ARHGEF3: variants seen among roughly 807,000 people sequenced by gnomAD.
ARHGEF3 encodes the protein Rho guanine nucleotide exchange factor 3.
A neutral mutation model predicts 63.2 loss-of-function variants in ARHGEF3; 28 were observed. That is an observed-to-expected ratio of 0.44 (90% CI 0.33 to 0.61). The LOEUF is 0.61. Among genes scored for constraint, ARHGEF3 ranks in the 20% least tolerant of loss-of-function variants. The pLI is 0.03. For synonymous variants in ARHGEF3, 266 were observed against 254.2 expected (o/e 1.05, Z -0.44); for missense variants, 533 against 659.3 (o/e 0.81, Z 2.10).
chr3:57,077,209 C>G (rs929008789), intron 1 of ARHGEF3, among the ~76,000 whole-genome samples: 1 of 152,238 alleles, frequency 6.6e-6, no homozygotes, highest in Non-Finnish European at 1.5e-5. Context: ...GCCTGCCTCT[C>G]TTTCCCCTAA....
Position 56,729,256 on chromosome 3 carries a change from T to C in ARHGEF3, c.*14A>G, listed in dbSNP as rs766778056. 1 of 1,599,762 alleles carries C rather than the reference T, an allele frequency of 6.3e-7. No individual in the cohort carries two copies. Among genetic ancestry groups the C allele is most frequent in the Admixed American group, 1.7e-5 (1 of 59,264 alleles). On this transcript the variant is annotated 3_prime_UTR_variant, in exon 10 of 10. Transcript: ENST00000296315. ...TAAGATGCAGGCCTGCTTCCCGAAG[T>C]GCACATGCTTCTGTCAGACGTTACT...
At chr3:56,944,177 CA>C (rs888585334) in intron 3 of ARHGEF3, among the ~76,000 whole-genome samples, 3 of 151,952 alleles carry the variant, frequency 2.0e-5, no homozygotes, top group African/African-American at 7.2e-5. Context: ...AGTCTCAAAA[CA>C]AAAAACAAAA....
intron 3 of ARHGEF3, among the ~76,000 whole-genome samples, chr3:56,889,419 A>G (rs923796647): frequency 1.3e-5 from 2 of 152,266 alleles, no homozygotes; most frequent in Admixed American, 6.5e-5. Context: ...GTGCCTTCCA[A>G]TACAAAAGTG....
At chr3:56,921,016 C>T (rs1450345664) in intron 3 of ARHGEF3, among the ~76,000 whole-genome samples, 1 of 118,508 alleles carries the variant, frequency 8.4e-6, no homozygotes, top group African/African-American at 3.6e-5. Context: ...GATTGCACCA[C>T]TGCACTCCAG....
chr3:57,017,005 G>GTC (rs370663400), intron 2 of ARHGEF3, among the ~76,000 whole-genome samples: 8,118 of 128,832 alleles, frequency 0.063, 460 homozygotes, highest in African/African-American at 0.15. Context: ...CTTTCTCTCT[G>GTC]TCTCTCTCTC....
upstream of ARHGEF3, among the ~76,000 whole-genome samples, chr3:56,804,179 C>G (rs1035762801): frequency 6.6e-5 from 10 of 152,210 alleles, no homozygotes; most frequent in Non-Finnish European, 1.3e-4. Flanking sequence ...GCCACCATGC[C>G]CAGCCCTAAA....
At chr3:57,073,362 C>T in intron 1 of ARHGEF3, 1 of 252,882 alleles carries the variant, frequency 4.0e-6, no homozygotes, top group Non-Finnish European at 7.5e-6. Flanking sequence ...ATTTATGTTT[C>T]TAGCCAAAAG....
intron 4 of ARHGEF3, among the ~76,000 whole-genome samples, chr3:56,826,058 A>T (rs2038702428): frequency 6.6e-6 from 1 of 152,174 alleles, no homozygotes; most frequent in African/African-American, 2.4e-5. Context: ...AAGTACCCTT[A>T]AGTTAGAAGG....
In ARHGEF3 at chr3:57,024,298, T is replaced by TAAA. The variant is rs57220752; in HGVS notation, c.62+10787_62+10789dup. On this transcript the variant is annotated intron_variant, in intron 2 of 12. Transcript: ENST00000338458. ...ATCTATCAAAAAGAAGGAAAGATATTAAAAAAAAAAAAAAAGTAGGGGGCT... is the reference window on the plus strand; with the variant it reads ...ATCTATCAAAAAGAAGGAAAGATATTAAAAAAAAAAAAAAAAAAGTAGGGGGCT... Among the ~76,000 whole-genome samples, 520 of 141,674 alleles carry TAAA rather than the reference T, an allele frequency of 3.7e-3. 3 individuals carry two copies. The highest frequency in any genetic ancestry group is 0.012 in the African/African-American group (446 of 38,160). The allele number at this position is 141,674 out of a possible 152,430, so 92.9% of individuals were successfully genotyped here.
At chr3:56,760,770 A>G (rs1470251384) in intron 2 of ARHGEF3, among the ~76,000 whole-genome samples, 1 of 152,164 alleles carries the variant, frequency 6.6e-6, no homozygotes, top group East Asian at 1.9e-4. Flanking sequence ...ATGAGATGGG[A>G]TCCAGCTCCT....
At chr3:56,875,275 G>A (rs531116114) in intron 4 of ARHGEF3, among the ~76,000 whole-genome samples, 1 of 152,236 alleles carries the variant, frequency 6.6e-6, no homozygotes, top group East Asian at 1.9e-4. Flanking sequence ...GCTGCATAAG[G>A]AAGGACTCTA....
intron 3 of ARHGEF3, among the ~76,000 whole-genome samples, chr3:56,922,338 A>T (rs966012923): frequency 6.6e-6 from 1 of 151,982 alleles, no homozygotes; most frequent in Non-Finnish European, 1.5e-5. Context: ...TGGGTTACTG[A>T]CCTCTGCACA....
chr3:57,050,628 C>T (rs1704632402), intron 1 of ARHGEF3, among the ~76,000 whole-genome samples: 1 of 152,100 alleles, frequency 6.6e-6, no homozygotes, highest in Admixed American at 6.5e-5. Flanking sequence ...GGCAGACAGG[C>T]TGGGGCCAGA....
intron 4 of ARHGEF3, among the ~76,000 whole-genome samples, chr3:56,868,500 G>A (rs2040331839): frequency 6.6e-6 from 1 of 151,866 alleles, no homozygotes; most frequent in African/African-American, 2.4e-5. Flanking sequence ...GTAGCTGGGA[G>A]TACAGGCGTG....
intron 2 of ARHGEF3, among the ~76,000 whole-genome samples, chr3:56,986,963 A>G (rs914048950): frequency 2.0e-5 from 3 of 152,136 alleles, no homozygotes; most frequent in Non-Finnish European, 4.4e-5. Flanking sequence ...TGTAATCCCA[A>G]CACCTTGGGA....
At chr3:56,967,315 ATATAT>A (rs1560091360) in intron 2 of ARHGEF3, among the ~76,000 whole-genome samples, 1 of 32,078 alleles carries the variant, frequency 3.1e-5, no homozygotes, top group Non-Finnish European at 8.3e-5. Flanking sequence ...ATTATATATT[ATATAT>A]TATATATTAT....
intron 3 of ARHGEF3, among the ~76,000 whole-genome samples, chr3:56,906,862 A>C (rs1170624735): frequency 6.6e-6 from 1 of 151,682 alleles, no homozygotes; most frequent in African/African-American, 2.4e-5. Context: ...AGAAAGAAAG[A>C]AAGAAATATA....
intron 1 of ARHGEF3, among the ~76,000 whole-genome samples, chr3:56,789,960 T>G (rs1271358691): frequency 2.6e-5 from 4 of 152,218 alleles, no homozygotes; most frequent in African/African-American, 9.6e-5. Context: ...GGAAAGTGAT[T>G]AAATTATTTT....
chr3:56,955,265 C>T (rs548576804), intron 3 of ARHGEF3, among the ~76,000 whole-genome samples: 120 of 151,156 alleles, frequency 7.9e-4, no homozygotes, highest in African/African-American at 2.8e-3. Context: ...GTGCAACCAT[C>T]GCTCCCTGCA....
Sources: gnomAD v4.1 joint callset for allele counts (sites outside exome capture counted in the v4.1 genomes callset) on GRCh38, gnomAD v4.1.1 for gene constraint, MANE v1.5 for transcripts, NCBI Gene and HGNC (gene_info 2026-07-23, HGNC 2026-07-21) for gene names.